Variants in INTS2 observed in about 807,000 individuals in gnomAD.
The protein encoded by INTS2 is integrator complex subunit 2, also known as KIAA1287.
A neutral mutation model predicts 139.6 loss-of-function variants in INTS2; 57 were observed. The observed-to-expected ratio is 0.41, with a 90% CI of 0.33 to 0.51. The LOEUF (loss-of-function observed/expected upper bound fraction) is 0.51, where lower values mean the gene tolerates loss of function less well. Among genes scored for constraint, INTS2 ranks in the 20% least tolerant of loss-of-function variants. INTS2 has a pLI of 0.28. For missense variants in INTS2, 1,196 were observed against 1,436.7 expected, an observed-to-expected ratio of 0.83 and a Z score of 2.71; for synonymous variants, 473 against 493.4, an observed-to-expected ratio of 0.96 and a Z score of 0.55.
chr17:61,926,552 A>G lies in INTS2; in HGVS notation c.93T>C (p.Asp31=). Residue 31 remains aspartate (D), a synonymous_variant, in exon 2 of 25, where the codon GAT becomes GAC. Transcript: ENST00000251334. The stretch of plus-strand genomic sequence containing the variant: ...AGGGCAGAAGAAGTCTTAATTCTGG[A>G]TCACTTAAAGATGCCAGGCAAACAA... ...VDVVCLASLS[D]PELRLLLPCL... 1 of 1,613,602 alleles carries G rather than the reference A, an allele frequency of 6.2e-7. No homozygotes were observed.
At position 61,895,302 on chromosome 17, in the gene INTS2, T is replaced by TA. The variant is rs1350972034; in HGVS notation, c.1563+12dup. ...AGAAAGTTAAATAAGTACCTAAGAA[T>TA]AAAAAGAAATACCTGCTCAGTAAAA... On this transcript the variant is annotated intron_variant, in intron 12 of 24. Coordinates refer to ENST00000251334, the MANE Select transcript of INTS2 (RefSeq NM_001351695.2). The TA allele has an allele frequency of 6.6e-7, 1 of 1,503,920 alleles. No homozygotes were observed. The highest frequency in any genetic ancestry group is 9.0e-7 in the Non-Finnish European group (1 of 1,108,836). The allele number at this position is 1,503,920 out of a possible 1,614,324, so 93.2% of individuals were successfully genotyped here. A position where few individuals can be genotyped will look rare whatever the true frequency, so the allele number is the denominator to read the frequency against.
In INTS2 at chr17:61,869,499, C is replaced by A; in HGVS notation, c.3031-119G>T. ...AAAAATTGCTCAGAAGGCTATAGTG[C>A]CCCATATGTAACCTGGCATTTCACT... On this transcript the variant is annotated intron_variant, in intron 21 of 24. Transcript: ENST00000251334. This position sits in a 1 kb window ranked among gnomAD's most constrained non-coding sequence, Gnocchi z 5.4. 1 of 830,840 alleles carries A rather than the reference C, an allele frequency of 1.2e-6. No individual in the cohort carries two copies. Among genetic ancestry groups the A allele is most frequent in the Non-Finnish European group, 1.9e-6 (1 of 532,704 alleles). The allele number at this position is 830,840 out of a possible 1,614,324, so 51.5% of individuals were successfully genotyped here.
rs759875921 is a variant in INTS2, at chr17:61,912,024, A to T, written c.696T>A (p.Ser232Arg). ...IKNGERQDEE[S>R]LGGRRRTDAL... is the part of the protein sequence containing the mutation. ...CATCTGTCCTGCGCCTTCCTCCAAG[A>T]CTTTCTTCATCTTGTCGTTCTCCAT... Residue 232 changes from serine to arginine, a missense_variant, in exon 6 of 25, where the codon AGT becomes AGA. Ser to Arg is a moderately radical substitution (Grantham distance 110). Transcript: ENST00000251334. The T allele has an allele frequency of 6.2e-7, 1 of 1,613,784 alleles. No individual in the cohort carries two copies. Among genetic ancestry groups the T allele is most frequent in the Admixed American group, 1.7e-5 (1 of 59,990 alleles).
rs1260462168 is a variant in INTS2, at chr17:61,909,623, CAT to C, written c.954+1895_954+1896del. Among the ~76,000 whole-genome samples, 1 of 152,102 alleles carries C rather than the reference CAT, an allele frequency of 6.6e-6. No individual in the cohort carries two copies. The highest frequency in any genetic ancestry group is 1.5e-5 in the Non-Finnish European group (1 of 68,022). ...CCACTCGCTTATGTCCATGTGTACACATGATTAGCACCCACTCATAATTGAGA... is the reference window on the plus strand; with the variant it reads ...CCACTCGCTTATGTCCATGTGTACACGATTAGCACCCACTCATAATTGAGA... On this transcript the variant is annotated intron_variant, in intron 7 of 24. Transcript: ENST00000251334. The surrounding 1 kb of genome is among the most constrained non-coding windows in gnomAD (Gnocchi z 4.9).
chr17:61,868,996 TTA>T lies in INTS2; in HGVS notation c.3244+36_3244+37del. 8.6e-7 allele frequency: 1 copy of T among 1,164,042 alleles called. No individual in the cohort carries two copies. 72.1% of individuals were successfully genotyped at this position (1,164,042 alleles called of 1,614,324 possible). A position where few individuals can be genotyped will look rare whatever the true frequency, so the allele number is the denominator to read the frequency against. On this transcript the variant is annotated intron_variant, in intron 23 of 24. Transcript: ENST00000251334. This position sits in a 1 kb window ranked among gnomAD's most constrained non-coding sequence, Gnocchi z 4.7. ...CAGAAAATATAGGAACTATAATAAT[TTA>T]TGTCAGATGTTTGTTGATGTTGATT... is the stretch of plus-strand genomic sequence containing the variant.
At chr17:61,883,216 CAG>C (rs1245396435) in intron 16 of INTS2, among the ~76,000 whole-genome samples, 1 of 151,830 alleles carries the variant, frequency 6.6e-6, no homozygotes, top group Non-Finnish European at 1.5e-5. Context: ...TTTCTGGAAA[CAG>C]ATTATACAAA....
intron 9 of INTS2, among the ~76,000 whole-genome samples, chr17:61,903,572 T>G (rs2079430633): frequency 1.3e-5 from 2 of 151,538 alleles, no homozygotes. Context: ...AGAGAAGATT[T>G]AGGCTGGCAG....
chr17:61,896,252 C>A (rs8070841), intron 11 of INTS2, among the ~76,000 whole-genome samples: 47,261 of 103,548 alleles, frequency 0.46, 11,430 homozygotes, highest in East Asian at 0.77. Context: ...AAAAAAAAAA[C>A]AAAAAAAAAA....
intron 5 of INTS2, 90 bp from the exon 6 acceptor site, chr17:61,912,160 A>G (rs2079532997): frequency 7.3e-7 from 1 of 1,372,966 alleles, no homozygotes; most frequent in Non-Finnish European, 1.0e-6. Context: ...AGGGTATTTG[A>G]AAGCACAACA....
intron 5 of INTS2, among the ~76,000 whole-genome samples, chr17:61,915,525 CA>C (rs1402899856): frequency 4.9e-4 from 61 of 123,486 alleles, no homozygotes; most frequent in Admixed American, 9.1e-4. Flanking sequence ...AACTCTGTTT[CA>C]AAAAAAAAAA....
chr17:61,896,308 T>C (rs1176751878), intron 11 of INTS2, among the ~76,000 whole-genome samples: 2 of 150,690 alleles, frequency 1.3e-5, no homozygotes, highest in African/African-American at 2.4e-5. Flanking sequence ...AATTTCCACA[T>C]GGCGAAGTTA....
rs1183033375 is a variant in INTS2, at chr17:61,878,945, A to AAAAAAAC, written c.2255-858_2255-857insGTTTTTT. 1.6e-5 allele frequency among the ~76,000 whole-genome samples: 2 copies of AAAAAAAC among 127,936 alleles called. 1 individual carries two copies. Among genetic ancestry groups the AAAAAAAC allele is most frequent in the African/African-American group, 1.0e-4 (2 of 19,942 alleles). The allele number at this position is 127,936 out of a possible 152,430, so 83.9% of individuals were successfully genotyped here. On this transcript the variant is annotated intron_variant, in intron 17 of 24. Transcript: ENST00000251334. ...GACCCTGTCTCCAAAAAAAAAAAAA[A>AAAAAAAC]AAAAAAAAACACTTTACTGACCCGA...
In INTS2 at chr17:61,877,349, G is replaced by A. The variant is rs535232602; in HGVS notation, c.2456+538C>T. 4.0e-4 allele frequency among the ~76,000 whole-genome samples: 61 copies of A among 152,296 alleles called. 1 individual carries two copies. The South Asian group carries it at 0.012, about 31-fold the overall frequency. On this transcript the variant is annotated intron_variant, in intron 18 of 24. Coordinates refer to ENST00000251334, the MANE Select transcript of INTS2 (RefSeq NM_001351695.2). The stretch of plus-strand genomic sequence containing the variant: ...TATACTATTTATAGCCCAGTATTCT[G>A]TTTTCTAGACCTGTCCAGGTGTTAA...
At chr17:61,914,522 A>ACC (rs2079558213) in intron 5 of INTS2, among the ~76,000 whole-genome samples, 6 of 152,178 alleles carry the variant, frequency 3.9e-5, no homozygotes, top group Non-Finnish European at 5.9e-5. Flanking sequence ...ACACGGTGAA[A>ACC]CCGTGTTACT....
intron 14 of INTS2, among the ~76,000 whole-genome samples, chr17:61,890,602 T>G (rs976490387): frequency 3.4e-4 from 44 of 127,754 alleles, no homozygotes; most frequent in African/African-American, 1.3e-3. Context: ...AGAGTGAGAC[T>G]CTGTCTCAAA....
intron 5 of INTS2, among the ~76,000 whole-genome samples, chr17:61,918,740 C>T (rs1432856000): frequency 3.3e-5 from 5 of 152,166 alleles, no homozygotes; most frequent in South Asian, 2.1e-4. Context: ...AAAATGTAGT[C>T]GATTTTTCTC....
Position 61,870,068 on chromosome 17 carries a change from C to G in INTS2, c.2779-80G>C. The G allele has an allele frequency of 3.8e-6, 5 of 1,299,670 alleles. No homozygotes were observed. In the East Asian group the frequency reaches 1.2e-4, roughly 32 times the overall value. The allele number at this position is 1,299,670 out of a possible 1,614,324, so 80.5% of individuals were successfully genotyped here. A position where few individuals can be genotyped will look rare whatever the true frequency, so the allele number is the denominator to read the frequency against. On this transcript the variant is annotated intron_variant, in intron 20 of 24. Coordinates refer to ENST00000251334, the MANE Select transcript of INTS2 (RefSeq NM_001351695.2). The surrounding 1 kb of genome is among the most constrained non-coding windows in gnomAD (Gnocchi z 4.4). The stretch of plus-strand genomic sequence containing the variant: ...AAATCAGATTTTATTTTCACATGAA[C>G]AGATATGATAAAATAACTAATTTCT...
At chr17:61,888,441 C>A (rs1481822977) in intron 15 of INTS2, among the ~76,000 whole-genome samples, 1 of 152,094 alleles carries the variant, frequency 6.6e-6, no homozygotes, top group Non-Finnish European at 1.5e-5. Flanking sequence ...TTTTCAAATA[C>A]AGGAAAAGAT....
Position 61,877,883 on chromosome 17 carries a change from T to A in INTS2, c.2456+4A>T, listed in dbSNP as rs746458710. The A allele has an allele frequency of 3.1e-6, 5 of 1,601,236 alleles. No individual in the cohort carries two copies. Among genetic ancestry groups the A allele is most frequent in the Middle Eastern group, 1.7e-4 (1 of 6,042 alleles). ...TATTACATGTAACAATACACTGAATTTACCTTCTAGGCATCACAGTATTAA... is the reference window on the plus strand; with the variant it reads ...TATTACATGTAACAATACACTGAATATACCTTCTAGGCATCACAGTATTAA... On this transcript the variant is annotated splice_donor_region_variant and intron_variant, in intron 18 of 24. Coordinates refer to ENST00000251334, the MANE Select transcript of INTS2 (RefSeq NM_001351695.2).
Sources: gnomAD v4.1 joint callset for allele counts (sites outside exome capture counted in the v4.1 genomes callset) on GRCh38, gnomAD v4.1.1 for gene constraint, Gnocchi (gnomAD v3.1) non-coding constraint, MANE v1.5 for transcripts, NCBI Gene and HGNC (gene_info 2026-07-23, HGNC 2026-07-21) for gene names.